Variants in PIK3R5 observed in about 807,000 individuals in gnomAD.
The protein encoded by PIK3R5 is phosphoinositide 3-kinase regulatory subunit 5.
A neutral mutation model predicts 94.9 loss-of-function variants in PIK3R5; 32 were observed. That is an observed-to-expected ratio of 0.34 (90% confidence interval 0.25 to 0.45). PIK3R5 has a LOEUF of 0.45. Ranked by LOEUF, PIK3R5 falls within the 20% of genes least tolerant of loss-of-function variation. The pLI, the probability that PIK3R5 is intolerant of heterozygous loss-of-function variation, is 1.00. For synonymous variants in PIK3R5, 443 were observed against 479.4 expected (o/e 0.92, Z 0.99); for missense variants, 853 against 1,144.6 (o/e 0.75, Z 3.68).
At chr17:8,950,313 T>C (rs1235127649) in intron 1 of PIK3R5, among the ~76,000 whole-genome samples, 1 of 152,234 alleles carries the variant, frequency 6.6e-6, no homozygotes, top group East Asian at 1.9e-4. Context: ...ATATGCAATA[T>C]AAAATTTACG....
chr17:8,951,839 C>A (rs753778376), intron 1 of PIK3R5, among the ~76,000 whole-genome samples: 16 of 152,186 alleles, frequency 1.1e-4, no homozygotes, highest in Non-Finnish European at 2.2e-4. Context: ...ATTCTCCTTC[C>A]TTCTATGGGG....
chr17:8,933,020 AAAC>A (rs1183337221), intron 1 of PIK3R5, among the ~76,000 whole-genome samples: 3 of 152,204 alleles, frequency 2.0e-5, no homozygotes, highest in African/African-American at 4.8e-5. Context: ...TGTATGTAGA[AAAC>A]AACGAGAAAA....
At position 8,884,024 on chromosome 17, in the gene PIK3R5, T is replaced by A. The variant is rs1355475323; in HGVS notation, c.2205+683A>T. 2.0e-5 allele frequency among the ~76,000 whole-genome samples: 3 copies of A among 152,188 alleles called. No individual in the cohort carries two copies. Among genetic ancestry groups the A allele is most frequent in the Non-Finnish European group, 4.4e-5 (3 of 68,026 alleles). On this transcript the variant is annotated intron_variant, in intron 15 of 18. Transcript: ENST00000447110. The surrounding 1 kb of genome is among the most constrained non-coding windows in gnomAD (Gnocchi z 5.8). ...CATCACTTGCCGCTCTCTGGAATTA[T>A]CTTGGCTATTTCTTTGTTTCCTCGT...
chr17:8,944,307 T>C (rs1227849761), intron 1 of PIK3R5, among the ~76,000 whole-genome samples: 1 of 152,238 alleles, frequency 6.6e-6, no homozygotes, highest in African/African-American at 2.4e-5. Flanking sequence ...ATGTACCACA[T>C]TTCCTTTATC....
chr17:8,893,961 C>T lies in PIK3R5; in HGVS notation c.413-306G>A. 1 of 238,432 alleles carries T rather than the reference C, an allele frequency of 4.2e-6. No individual in the cohort carries two copies. Among genetic ancestry groups the T allele is most frequent in the African/African-American group, 2.3e-5 (1 of 44,278 alleles). 14.8% of individuals were successfully genotyped at this position (238,432 alleles called of 1,614,324 possible). The stretch of plus-strand genomic sequence containing the variant: ...GCCCTCCCTTCCTAAGAGCTTTCCA[C>T]TCCCCTTGTGGCTCAGGTCCCGGCT... On this transcript the variant is annotated intron_variant, in intron 5 of 18. Transcript: ENST00000447110. The surrounding 1 kb of genome is among the most constrained non-coding windows in gnomAD (Gnocchi z 5.1).
At chr17:8,958,722 A>G (rs965233200) in intron 1 of PIK3R5, among the ~76,000 whole-genome samples, 13 of 150,152 alleles carry the variant, frequency 8.7e-5, no homozygotes, top group African/African-American at 2.0e-4. Flanking sequence ...GTTTATATTC[A>G]TGTGTGTGGC....
chr17:8,942,594 T>G (rs1207689105), intron 1 of PIK3R5, among the ~76,000 whole-genome samples: 1 of 151,538 alleles, frequency 6.6e-6, no homozygotes, highest in Non-Finnish European at 1.5e-5. Context: ...CCTGTCAGCC[T>G]TATTCTTTTT....
Position 8,911,473 on chromosome 17 carries a change from A to C in PIK3R5, c.22T>G (p.Cys8Gly). Reference protein sequence around the residue: MQPGATTCTEDRIQHALE... With the variant: MQPGATTGTEDRIQHALE... The stretch of plus-strand genomic sequence containing the variant: ...GCATGCTGGATGCGGTCCTCCGTGC[A>C]TGTCGTGGCCCCTGGCTGCATCCTG... The change falls in exon 2 of 19, where the codon TGC becomes GGC. Residue 8 changes from cysteine to glycine, a missense_variant. By Grantham distance (159) the Cys-to-Gly change is radical. Transcript: ENST00000447110. The surrounding 1 kb of genome is among the most constrained non-coding windows in gnomAD (Gnocchi z 5.3). The C allele has an allele frequency of 6.3e-7, 1 of 1,599,764 alleles. No individual in the cohort carries two copies. Among genetic ancestry groups the C allele is most frequent in the East Asian group, 2.2e-5 (1 of 44,888 alleles).
chr17:8,894,761 CT>C (rs1202073754), intron 5 of PIK3R5, among the ~76,000 whole-genome samples: 1 of 151,658 alleles, frequency 6.6e-6, no homozygotes, highest in Non-Finnish European at 1.5e-5. Context: ...GGGTCGCCTT[CT>C]TGTCATAGCT....
At chr17:8,933,009 T>C (rs1315439203) in intron 1 of PIK3R5, among the ~76,000 whole-genome samples, 2 of 152,086 alleles carry the variant, frequency 1.3e-5, no homozygotes, top group Non-Finnish European at 2.9e-5. Flanking sequence ...AAAAGACACA[T>C]TGTATGTAGA....
chr17:8,890,903 C>T lies in PIK3R5; in HGVS notation c.492G>A (p.Leu164=). 6.2e-7 allele frequency: 1 copy of T among 1,613,634 alleles called. No homozygotes were observed. Residue 164 remains leucine (L), a synonymous_variant, in exon 7 of 19, where the codon CTG becomes CTA. Transcript: ENST00000447110. The surrounding 1 kb of genome is among the most constrained non-coding windows in gnomAD (Gnocchi z 6.1). The part of the protein sequence containing the change: ...RSHRSSTVTV[L]LLNPVEVQAE... ...CCTGCACTTCCACTGGGTTCAGCAG[C>T]AGCACGGTGCTGGGGACACAGGGGA...
In PIK3R5 at chr17:8,901,066, C is replaced by A. The variant is rs529018777; in HGVS notation, c.412+3711G>T. Among the ~76,000 whole-genome samples the A allele has an allele frequency of 1.1e-4, 17 of 152,344 alleles. 1 individual carries two copies. In the East Asian group the frequency reaches 3.3e-3, roughly 29 times the overall value. The stretch of plus-strand genomic sequence containing the variant: ...AAGGCATTGCCTCCTAGCAAAGGAA[C>A]TTCAGTCACCAACCAGAAGCTCAGA... On this transcript the variant is annotated intron_variant, in intron 5 of 18. Coordinates refer to ENST00000447110, the MANE Select transcript of PIK3R5 (RefSeq NM_001142633.3).
chr17:8,952,362 C>T (rs1032789555), intron 1 of PIK3R5, among the ~76,000 whole-genome samples: 1 of 152,102 alleles, frequency 6.6e-6, no homozygotes. Context: ...GGTGGATTTC[C>T]CCTGAATTTG....
chr17:8,952,675 C>G (rs759549032), intron 1 of PIK3R5, among the ~76,000 whole-genome samples: 6 of 152,148 alleles, frequency 3.9e-5, no homozygotes, highest in Admixed American at 3.3e-4. Flanking sequence ...CAATAAAGTA[C>G]CATGAGAATA....
intron 5 of PIK3R5, among the ~76,000 whole-genome samples, chr17:8,894,965 A>C (rs544049190): frequency 1.3e-5 from 2 of 152,242 alleles, no homozygotes; most frequent in African/African-American, 4.8e-5. Context: ...ATTACCACAT[A>C]ATGCTCTTCT....
At position 8,882,749 on chromosome 17, in the gene PIK3R5, G is replaced by T. The variant is rs1342691506; in HGVS notation, c.2206-868C>A. On this transcript the variant is annotated intron_variant, in intron 15 of 18. Coordinates refer to ENST00000447110, the MANE Select transcript of PIK3R5 (RefSeq NM_001142633.3). The surrounding 1 kb of genome is among the most constrained non-coding windows in gnomAD (Gnocchi z 4.1). ...GAAGATGGTGCTGCCAGTCACAGAG[G>T]AGTGACTCCAGGAGTCTGGCCTCTC... 6.6e-6 allele frequency among the ~76,000 whole-genome samples: 1 copy of T among 152,036 alleles called. No individual in the cohort carries two copies. The highest frequency in any genetic ancestry group is 2.4e-5 in the African/African-American group (1 of 41,364).
chr17:8,927,946 C>T (rs897389384), intron 1 of PIK3R5, among the ~76,000 whole-genome samples: 1 of 152,218 alleles, frequency 6.6e-6, no homozygotes, highest in Admixed American at 6.5e-5. Context: ...TTCACACCAG[C>T]TCCTTTTAAC....
chr17:8,948,758 A>G (rs2091323172), intron 1 of PIK3R5, among the ~76,000 whole-genome samples: 1 of 152,198 alleles, frequency 6.6e-6, no homozygotes, highest in Admixed American at 6.5e-5. Context: ...AAGATGCTCT[A>G]TCAGACCCTA....
intron 1 of PIK3R5, among the ~76,000 whole-genome samples, chr17:8,948,067 G>GAAAAGAA (rs2091309667): frequency 9.8e-6 from 1 of 101,736 alleles, no homozygotes; most frequent in African/African-American, 3.6e-5. Flanking sequence ...AAAAAAAAAA[G>GAAAAGAA]AAAAGAAAAG....
Sources: allele counts gnomAD v4.1 joint callset (sites outside exome capture counted in the v4.1 genomes callset), GRCh38; gene constraint gnomAD v4.1.1; non-coding constraint Gnocchi (gnomAD v3.1); transcripts MANE v1.5; gene names NCBI Gene and HGNC (gene_info 2026-07-23, HGNC 2026-07-21).